LRIT3: variants seen among roughly 807,000 people sequenced by gnomAD.
LRIT3 encodes leucine rich repeat, Ig-like and transmembrane domains 3, also known as leucine-rich repeat, immunoglobulin-like domain and transmembrane domain-containing protein 3.
Under a neutral mutation model 22.6 loss-of-function variants are expected in LRIT3, and 14 were observed. The observed-to-expected ratio is 0.62, with a 90% CI of 0.41 to 0.97. The LOEUF (loss-of-function observed/expected upper bound fraction) is 0.97, where lower values mean the gene tolerates loss of function less well. Among genes scored for constraint, LRIT3 ranks in the 50% least tolerant of loss-of-function variants. The pLI is 0.00. For missense variants in LRIT3, 783 were observed against 803.0 expected, an observed-to-expected ratio of 0.98 and a Z score of 0.30; for synonymous variants, 306 against 304.5, an observed-to-expected ratio of 1.01 and a Z score of -0.05.
intron 3 of LRIT3, among the ~76,000 whole-genome samples, chr4:109,869,433 G>C (rs1379545389): frequency 6.6e-6 from 1 of 152,122 alleles, no homozygotes; most frequent in African/African-American, 2.4e-5. Context: ...ACTATTCCCT[G>C]TACAGACCTC....
At position 109,867,675 on chromosome 4, in the gene LRIT3, T is replaced by C. The variant is rs905484769; in HGVS notation, c.624T>C (p.His208=). The change falls in exon 3 of 4, where the codon CAT becomes CAC. Residue 208 remains histidine (H), a synonymous_variant. Coordinates refer to ENST00000594814, the MANE Select transcript of LRIT3 (RefSeq NM_198506.5). ...ACAATCCTTGGTTCTGTGACTGTCATATTTCCAAAATGATTGAGTTGTCAA... is the reference window on the plus strand; with the variant it reads ...ACAATCCTTGGTTCTGTGACTGTCACATTTCCAAAATGATTGAGTTGTCAA... ...LQDNPWFCDC[H]ISKMIELSKV... 11 of 1,614,016 alleles carry C rather than the reference T, an allele frequency of 6.8e-6. No homozygotes were observed. Among genetic ancestry groups the C allele is most frequent in the Non-Finnish European group, 9.3e-6 (11 of 1,179,972 alleles).
rs2125895885 is a variant in LRIT3 at position 109,848,196 on chromosome 4, G to A, written c.-6G>A. ...CCTTTTGTTTAAATAACCTCTAAAA[G>A]GAGCAATGCATCTCTTTGCATGTCT... is the stretch of plus-strand genomic sequence containing the variant. On this transcript the variant is annotated 5_prime_UTR_variant, in exon 1 of 4. Transcript: ENST00000594814. The A allele has an allele frequency of 8.2e-7, 1 of 1,224,954 alleles. No individual in the cohort carries two copies. Among genetic ancestry groups the A allele is most frequent in the South Asian group, 4.1e-5 (1 of 24,154 alleles). 75.9% of individuals were successfully genotyped at this position (1,224,954 alleles called of 1,614,324 possible). A position where few individuals can be genotyped will look rare whatever the true frequency, so the allele number is the denominator to read the frequency against.
intron 2 of LRIT3, among the ~76,000 whole-genome samples, chr4:109,852,498 A>G (rs566622759): frequency 6.6e-6 from 1 of 152,334 alleles, no homozygotes; most frequent in Admixed American, 6.5e-5. Context: ...TACTGGCCCC[A>G]AATGGTTCTC....
intron 2 of LRIT3, chr4:109,865,266 A>T: frequency 6.3e-7 from 1 of 1,586,500 alleles, no homozygotes; most frequent in Non-Finnish European, 8.6e-7. Context: ...ACCCAGGCAC[A>T]GTAAAGTTGG....
At chr4:109,855,744 T>C (rs1734385854) in intron 2 of LRIT3, among the ~76,000 whole-genome samples, 1 of 152,222 alleles carries the variant, frequency 6.6e-6, no homozygotes, top group Non-Finnish European at 1.5e-5. Flanking sequence ...GTTCTGTCTT[T>C]GTTCTCATTG....
At chr4:109,866,562 C>T (rs984285142) in intron 2 of LRIT3, among the ~76,000 whole-genome samples, 1 of 152,102 alleles carries the variant, frequency 6.6e-6, no homozygotes, top group Non-Finnish European at 1.5e-5. Context: ...TAACTGTTGC[C>T]TCTCCTTTAT....
In LRIT3 at chr4:109,864,240, A is replaced by G. The variant is rs866176818; in HGVS notation, c.590-3401A>G. Reference sequence around the variant, plus strand: ...TTACTATATTAAGGTGGGTGTTTACATGTTCCTTTCTAAATCTTTTGATTG... The same window carrying G: ...TTACTATATTAAGGTGGGTGTTTACGTGTTCCTTTCTAAATCTTTTGATTG... On this transcript the variant is annotated intron_variant, in intron 2 of 3. Coordinates refer to ENST00000594814, the MANE Select transcript of LRIT3 (RefSeq NM_198506.5). Among the ~76,000 whole-genome samples, 34 of 152,224 alleles carry G rather than the reference A, an allele frequency of 2.2e-4. No individual in the cohort carries two copies. The Middle Eastern group carries it at 0.014, about 61-fold the overall frequency.
Position 109,870,448 on chromosome 4 carries a change from A to G in LRIT3, c.1699A>G (p.Ile567Val), listed in dbSNP as rs867226821. Residue 567 changes from isoleucine to valine, a missense_variant, in exon 4 of 4, where the codon ATC (isoleucine) becomes GTC (valine). Transcript: ENST00000594814. Reference sequence around the variant, plus strand: ...AGTGCCTCCCCAGAAAGACCAATGCATCACCTTTTCTACTGAAAGAGTTGA... The same window carrying G: ...AGTGCCTCCCCAGAAAGACCAATGCGTCACCTTTTCTACTGAAAGAGTTGA... ...KGVPPQKDQC[I>V]TFSTERVEGD... 23 of 1,614,082 alleles carry G rather than the reference A, an allele frequency of 1.4e-5. No homozygotes were observed. The highest frequency in any genetic ancestry group is 8.0e-5 in the African/African-American group (6 of 74,932).
intron 2 of LRIT3, among the ~76,000 whole-genome samples, chr4:109,854,070 C>CT (rs1734343631): frequency 6.6e-6 from 1 of 152,086 alleles, no homozygotes. Flanking sequence ...TATATGGGCT[C>CT]TTTTTTGGTC....
rs747651486 is a variant in LRIT3 at position 109,870,508 on chromosome 4, G to T, written c.1759G>T (p.Val587Leu). 2 of 1,614,128 alleles carry T rather than the reference G, an allele frequency of 1.2e-6. No homozygotes were observed. The highest frequency in any genetic ancestry group is 2.2e-5 in the South Asian group (2 of 91,088). The change falls in exon 4 of 4, where the codon GTG becomes TTG. Residue 587 changes from valine (V) to leucine (L), a missense_variant. By Grantham distance (32) the Val-to-Leu change is conservative. This residue lies in a region of LRIT3 where 756 missense variants were observed against 753.8 expected (regional missense o/e 1.00). Transcript: ENST00000594814. ...DDSQWSLLLV[V>L]TSTACVVILP... ...TTCTCAATGGTCTCTCCTTCTCGTG[G>T]TGACCAGTACTGCCTGTGTTGTTAT...
At chr4:109,850,406 CCTT>C (rs1734194192) in intron 1 of LRIT3, among the ~76,000 whole-genome samples, 1 of 1,474 alleles carries the variant, frequency 6.8e-4, no homozygotes, top group Admixed American at 0.013. Context: ...TTCCTTCCTT[CCTT>C]CCTTCCTTCC....
In LRIT3 at chr4:109,871,943, C is replaced by A. The variant is rs940992754; in HGVS notation, c.*1154C>A. 6.6e-6 allele frequency: 1 copy of A among 152,166 alleles called. No homozygotes were observed. The highest frequency in any genetic ancestry group is 1.5e-5 in the Non-Finnish European group (1 of 68,034). 9.4% of individuals were successfully genotyped at this position (152,166 alleles called of 1,614,324 possible). A position where few individuals can be genotyped will look rare whatever the true frequency, so the allele number is the denominator to read the frequency against. ...AAACATCTCATGGCTTTAAGATTAA[C>A]GATAGCGATAAGGCCCACTCAAGCA... is the stretch of plus-strand genomic sequence containing the variant. On this transcript the variant is annotated 3_prime_UTR_variant, in exon 4 of 4. Transcript: ENST00000594814.
In LRIT3 at chr4:109,870,693, G is replaced by C; in HGVS notation, c.1944G>C (p.Arg648Ser). ...SVGELWTRSHRDDSEKLLLCS... is the reference protein window; with the variant it reads ...SVGELWTRSHSDDSEKLLLCS... ...GTGAGCTCTGGACACGAAGCCACAG[G>C]GATGACTCAGAGAAATTGCTGCTTT... Residue 648 changes from arginine to serine, a missense_variant, in exon 4 of 4, where the codon AGG (arginine) becomes AGC (serine). Arg to Ser is a moderately radical substitution (Grantham distance 110, BLOSUM62 -1). Transcript: ENST00000594814. 1 of 1,614,110 alleles carries C rather than the reference G, an allele frequency of 6.2e-7. No individual in the cohort carries two copies. The highest frequency in any genetic ancestry group is 8.5e-7 in the Non-Finnish European group (1 of 1,180,012).
At chr4:109,862,470 T>C (rs1032215302) in intron 2 of LRIT3, among the ~76,000 whole-genome samples, 1 of 152,210 alleles carries the variant, frequency 6.6e-6, no homozygotes, top group Non-Finnish European at 1.5e-5. Flanking sequence ...ACCTTTGACC[T>C]TAGAAGTTTC....
chr4:109,851,646 T>A lies in LRIT3; in HGVS notation c.259T>A (p.Trp87Arg). 1.3e-6 allele frequency: 2 copies of A among 1,551,738 alleles called. No individual in the cohort carries two copies. The highest frequency in any genetic ancestry group is 1.7e-6 in the Non-Finnish European group (2 of 1,146,998). The change falls in exon 2 of 4, where the codon TGG becomes AGG. Residue 87 changes from tryptophan to arginine, a missense_variant. Coordinates refer to ENST00000594814, the MANE Select transcript of LRIT3 (RefSeq NM_198506.5). ...FYYLVELQYLWVTYNSVASID... is the reference protein window; with the variant it reads ...FYYLVELQYLRVTYNSVASID... The stretch of plus-strand genomic sequence containing the variant: ...TTACCTGGTGGAGCTCCAGTATCTC[T>A]GGGTGACTTACAATTCCGTGGCCAG...
At chr4:109,859,798 C>T (rs1001332809) in intron 2 of LRIT3, among the ~76,000 whole-genome samples, 1 of 152,200 alleles carries the variant, frequency 6.6e-6, no homozygotes, top group African/African-American at 2.4e-5. Context: ...CAGGGGGAAG[C>T]ACATCACGCA....
chr4:109,860,681 A>G (rs1173749556), intron 2 of LRIT3, among the ~76,000 whole-genome samples: 1 of 152,216 alleles, frequency 6.6e-6, no homozygotes, highest in Admixed American at 6.5e-5. Flanking sequence ...TATTTCCATG[A>G]CCTCAGAAAG....
At chr4:109,859,273 T>A (rs931262916) in intron 2 of LRIT3, among the ~76,000 whole-genome samples, 1 of 152,028 alleles carries the variant, frequency 6.6e-6, no homozygotes, top group African/African-American at 2.4e-5. Context: ...TGGGGGTAGG[T>A]TAGTGAGGGA....
intron 3 of LRIT3, 88 bp downstream of exon 3, chr4:109,868,034 T>C (rs1310644599): frequency 2.4e-5 from 32 of 1,310,842 alleles, no homozygotes; most frequent in Non-Finnish European, 3.0e-5. Context: ...AATTAGCTAG[T>C]TAACACTAAT....
Sources: gnomAD v4.1 joint callset for allele counts (sites outside exome capture counted in the v4.1 genomes callset) on GRCh38, gnomAD v4.1.1 for gene constraint, gnomAD v4.1.1 regional missense constraint, MANE v1.5 for transcripts, NCBI Gene and HGNC (gene_info 2026-07-23, HGNC 2026-07-21) for gene names.